ENOPH1: variants seen among roughly 807,000 people sequenced by gnomAD.
The protein encoded by ENOPH1 is enolase-phosphatase 1.
Under a neutral mutation model 31.1 loss-of-function variants are expected in ENOPH1, and 14 were observed. The observed-to-expected ratio is 0.45, with a 90% confidence interval of 0.30 to 0.70. The LOEUF is 0.70. ENOPH1 is among the 30% of genes least tolerant of loss of function. ENOPH1 has a pLI of 0.09. For missense variants in ENOPH1, 243 were observed against 321.5 expected (o/e 0.76, Z 1.87); for synonymous variants, 127 against 123.2 (o/e 1.03, Z -0.21).
Position 82,460,108 on chromosome 4 carries a change from T to A in ENOPH1, c.774T>A (p.Pro258=). The A allele has an allele frequency of 6.2e-7, 1 of 1,614,210 alleles. No homozygotes were observed. Among genetic ancestry groups the A allele is most frequent in the Non-Finnish European group, 8.5e-7 (1 of 1,180,026 alleles). ...CATCCTTCAGTGAACTATACCTGCC[T>A]TCCTCAACCTAGAGAAGGGTTGTTA... is the stretch of plus-strand genomic sequence containing the variant. ...LITSFSELYL[P]SST The change falls in exon 6 of 6, where the codon CCT becomes CCA. Residue 258 remains proline, a synonymous_variant. Coordinates refer to ENST00000273920, the MANE Select transcript of ENOPH1 (RefSeq NM_021204.5).
Position 82,430,761 on chromosome 4 carries a change from C to G in ENOPH1, c.-69C>G. 6 of 1,493,130 alleles carry G rather than the reference C, an allele frequency of 4.0e-6. No individual in the cohort carries two copies. The highest frequency in any genetic ancestry group is 5.6e-6 in the Non-Finnish European group (6 of 1,073,874). 92.5% of individuals were successfully genotyped at this position (1,493,130 alleles called of 1,614,324 possible). A position where few individuals can be genotyped will look rare whatever the true frequency, so the allele number is the denominator to read the frequency against. On this transcript the variant is annotated 5_prime_UTR_variant, in exon 1 of 6. Transcript: ENST00000273920. ...AAGCCCAAGACGGTACCGGGGGCCGCAGCCGCAGCCGGCGCCGCCCTCCGC... is the reference window on the plus strand; with the variant it reads ...AAGCCCAAGACGGTACCGGGGGCCGGAGCCGCAGCCGGCGCCGCCCTCCGC...
At chr4:82,447,887 A>G (rs770460060) in intron 1 of ENOPH1, 33 bp from the exon 2 acceptor site, 2 of 1,359,278 alleles carry the variant, frequency 1.5e-6, no homozygotes, top group Non-Finnish European at 2.1e-6. Context: ...GATAAAAGCT[A>G]ACTCTTGTAT....
Position 82,459,804 on chromosome 4 carries a change from A to T in ENOPH1, c.647-177A>T, listed in dbSNP as rs569453352. 7.4e-4 allele frequency among the ~76,000 whole-genome samples: 113 copies of T among 152,342 alleles called. 1 individual carries two copies. The East Asian group carries it at 0.017, about 23-fold the overall frequency. The stretch of plus-strand genomic sequence containing the variant: ...TTATCATGGAAAAATTAAAACATAC[A>T]TAAAAGAGATAATAATATAGTCAAC... On this transcript the variant is annotated intron_variant, in intron 5 of 5. Coordinates refer to ENST00000273920, the MANE Select transcript of ENOPH1 (RefSeq NM_021204.5).
At chr4:82,456,038 T>G (rs1204451408) in intron 4 of ENOPH1, among the ~76,000 whole-genome samples, 1 of 151,940 alleles carries the variant, frequency 6.6e-6, no homozygotes, top group African/African-American at 2.4e-5. Flanking sequence ...TGGTGACTGT[T>G]CTCTTAATAC....
chr4:82,446,020 G>A (rs1479521780), intron 1 of ENOPH1, among the ~76,000 whole-genome samples: 2 of 152,212 alleles, frequency 1.3e-5, no homozygotes, highest in Non-Finnish European at 2.9e-5. Context: ...GAATGAATAA[G>A]TTGGTTGTGC....
intron 1 of ENOPH1, among the ~76,000 whole-genome samples, chr4:82,436,686 C>CAA (rs35557585): frequency 0.034 from 3,754 of 110,778 alleles, 231 homozygotes; most frequent in African/African-American, 0.11. Context: ...GACCCTGTCT[C>CAA]AAAAAAAAAA....
In ENOPH1 at chr4:82,451,319, C is replaced by T. The variant is rs552290915; in HGVS notation, c.389+74C>T. 258 of 1,404,478 alleles carry T rather than the reference C, an allele frequency of 1.8e-4. No homozygotes were observed. The Middle Eastern group carries it at 2.1e-3, about 12-fold the overall frequency. The allele number at this position is 1,404,478 out of a possible 1,614,324, so 87.0% of individuals were successfully genotyped here. ...ATGTTTTTTCACCAGTCCTCTCTTT[C>T]CAGCGTAAGTCACAAGACTGGTAAA... On this transcript the variant is annotated intron_variant, in intron 3 of 5. Transcript: ENST00000273920.
At chr4:82,459,882 A>G in intron 5 of ENOPH1, 99 bp from the exon 6 acceptor site, 5 of 1,384,856 alleles carry the variant, frequency 3.6e-6, no homozygotes, top group Non-Finnish European at 5.0e-6. Context: ...GGCCAAATTC[A>G]TTTCTTCCAT....
At position 82,451,171 on chromosome 4, in the gene ENOPH1, A is replaced by G. The variant is rs763101712; in HGVS notation, c.315A>G (p.Arg105=). The change falls in exon 3 of 6, where the codon CGA becomes CGG. Residue 105 remains arginine (R), a synonymous_variant. Coordinates refer to ENST00000273920, the MANE Select transcript of ENOPH1 (RefSeq NM_021204.5). ...DNVCWQMSLD[R]KTTALKQLQG... Reference sequence around the variant, plus strand: ...TGTGCTGGCAGATGTCCCTGGATCGAAAGACCACTGCACTCAAACAGCTGC... The same window carrying G: ...TGTGCTGGCAGATGTCCCTGGATCGGAAGACCACTGCACTCAAACAGCTGC... 1.9e-6 allele frequency: 3 copies of G among 1,614,232 alleles called. No individual in the cohort carries two copies. In the South Asian group the frequency reaches 3.3e-5, roughly 18 times the overall value.
intron 1 of ENOPH1, among the ~76,000 whole-genome samples, chr4:82,446,397 G>C (rs1722182359): frequency 6.6e-6 from 1 of 151,018 alleles, no homozygotes; most frequent in South Asian, 2.1e-4. Context: ...ACTCCAGCCT[G>C]GGCAATAAAG....
chr4:82,443,516 C>A (rs1722096216), intron 1 of ENOPH1, among the ~76,000 whole-genome samples: 1 of 151,606 alleles, frequency 6.6e-6, no homozygotes, highest in African/African-American at 2.4e-5. Context: ...ATCACGAGGT[C>A]AGGAGATCGA....
Position 82,432,644 on chromosome 4 carries a change from C to CGTTTTGTTTTGTTTT in ENOPH1, c.84+1746_84+1760dup, listed in dbSNP as rs57944208. ...ACCATGGCACCCGGCCTCTTCCCCA[C>CGTTTTGTTTTGTTTT]GTTTTGTTTTGTTTTGTTTTGTTTT... On this transcript the variant is annotated intron_variant, in intron 1 of 5. Transcript: ENST00000273920. 9.1e-3 allele frequency among the ~76,000 whole-genome samples: 1,377 copies of CGTTTTGTTTTGTTTT among 151,340 alleles called. 3 individuals are homozygous for CGTTTTGTTTTGTTTT. Among genetic ancestry groups the CGTTTTGTTTTGTTTT allele is most frequent in the Middle Eastern group, 0.017 (5 of 294 alleles).
At chr4:82,431,577 T>G (rs1381710462) in intron 1 of ENOPH1, among the ~76,000 whole-genome samples, 1 of 152,224 alleles carries the variant, frequency 6.6e-6, no homozygotes, top group Non-Finnish European at 1.5e-5. Context: ...GAGCATTCCT[T>G]CTAGGATGTC....
intron 1 of ENOPH1, among the ~76,000 whole-genome samples, chr4:82,446,689 C>CTTTT (rs1175624219): frequency 2.8e-4 from 19 of 67,510 alleles, no homozygotes; most frequent in East Asian, 5.3e-4. Context: ...GTGACGGAAT[C>CTTTT]TTTTTTTTTT....
intron 1 of ENOPH1, among the ~76,000 whole-genome samples, chr4:82,437,117 C>T (rs1286773881): frequency 1.3e-5 from 2 of 152,126 alleles, no homozygotes; most frequent in African/African-American, 4.8e-5. Context: ...GCACCTCTCA[C>T]TTTGATTTCT....
chr4:82,431,418 A>G (rs1041820261), intron 1 of ENOPH1, among the ~76,000 whole-genome samples: 1 of 151,756 alleles, frequency 6.6e-6, no homozygotes, highest in Non-Finnish European at 1.5e-5. Context: ...GCCCCTTCCC[A>G]CTCTTGCTGT....
In ENOPH1 at chr4:82,447,905, T is replaced by A; in HGVS notation, c.85-15T>A. ...AAAAGCTAACTCTTGTATTTTCTTT[T>A]ACTCTTTTATCCAGGACATTTTATT... is the stretch of plus-strand genomic sequence containing the variant. On this transcript the variant is annotated splice_polypyrimidine_tract_variant and intron_variant, in intron 1 of 5. Coordinates refer to ENST00000273920, the MANE Select transcript of ENOPH1 (RefSeq NM_021204.5). The A allele has an allele frequency of 2.0e-6, 3 of 1,531,284 alleles. No homozygotes were observed. Among genetic ancestry groups the A allele is most frequent in the Non-Finnish European group, 2.7e-6 (3 of 1,115,220 alleles). 94.9% of individuals were successfully genotyped at this position (1,531,284 alleles called of 1,614,324 possible).
chr4:82,452,412 G>T (rs1411006318), intron 3 of ENOPH1, among the ~76,000 whole-genome samples: 3 of 151,688 alleles, frequency 2.0e-5, no homozygotes, highest in Non-Finnish European at 2.9e-5. Context: ...GGGTTCAAGC[G>T]ATTCTCCTGC....
At chr4:82,457,760 A>G (rs920923925) in intron 5 of ENOPH1, among the ~76,000 whole-genome samples, 1 of 152,178 alleles carries the variant, frequency 6.6e-6, no homozygotes, top group Non-Finnish European at 1.5e-5. Flanking sequence ...GCACAGTTCC[A>G]TTTGTGATCC....
Sources: gnomAD v4.1 joint callset for allele counts (sites outside exome capture counted in the v4.1 genomes callset) on GRCh38, gnomAD v4.1.1 for gene constraint, MANE v1.5 for transcripts, NCBI Gene and HGNC (gene_info 2026-07-23, HGNC 2026-07-21) for gene names.